ZCCHC10: variants seen among roughly 807,000 people sequenced by gnomAD.
ZCCHC10 encodes zinc finger CCHC-type containing 10, also known as zinc finger CCHC domain-containing protein 10.
Under a neutral mutation model 19.5 loss-of-function variants are expected in ZCCHC10, and 16 were observed. That is an observed-to-expected ratio of 0.82 (90% CI 0.56 to 1.25). ZCCHC10 has a LOEUF of 1.25. Ranked by LOEUF, ZCCHC10 falls within the 50% of genes most tolerant of loss-of-function variation. The probability of loss-of-function intolerance (pLI) is 0.00; values close to 1 mark genes in which losing one functional copy is unlikely to be tolerated. For missense variants in ZCCHC10, 197 were observed against 201.0 expected (o/e 0.98, Z 0.12); for synonymous variants, 67 against 72.5 (o/e 0.92, Z 0.38).
intron 3 of ZCCHC10, 130 bp from the exon 4 acceptor site, chr5:133,000,303 T>C: frequency 9.9e-7 from 1 of 1,006,466 alleles, no homozygotes. Context: ...ACATACAGAG[T>C]ACAGTATTTC....
At chr5:133,008,677 A>C (rs1763296995) in intron 2 of ZCCHC10, among the ~76,000 whole-genome samples, 1 of 151,994 alleles carries the variant, frequency 6.6e-6, no homozygotes, top group Non-Finnish European at 1.5e-5. Context: ...CCAGCCAGGC[A>C]GGACAACACA....
chr5:132,997,836 A>C lies in ZCCHC10; in HGVS notation c.*747T>G, dbSNP rs1261830317. On this transcript the variant is annotated 3_prime_UTR_variant, in exon 5 of 5. Coordinates refer to ENST00000509437, the MANE Select transcript of ZCCHC10 (RefSeq NM_001300816.3). ...ACTTCTATTTAAGTTAGCCTCTTACATGGCTGCTTTCTTTTCTGATACACT... is the reference window on the plus strand; with the variant it reads ...ACTTCTATTTAAGTTAGCCTCTTACCTGGCTGCTTTCTTTTCTGATACACT... 1 of 152,230 alleles carries C rather than the reference A, an allele frequency of 6.6e-6. No individual in the cohort carries two copies. The highest frequency in any genetic ancestry group is 1.9e-4 in the East Asian group (1 of 5,190). 9.4% of individuals were successfully genotyped at this position (152,230 alleles called of 1,614,324 possible).
intron 2 of ZCCHC10, among the ~76,000 whole-genome samples, chr5:133,016,587 C>T (rs1392900540): frequency 3.3e-5 from 5 of 151,966 alleles, no homozygotes; most frequent in African/African-American, 7.2e-5. Context: ...GGATTACAGG[C>T]GCCTGCCACC....
intron 1 of ZCCHC10, among the ~76,000 whole-genome samples, chr5:133,025,619 C>A (rs1359814402): frequency 1.3e-5 from 2 of 150,908 alleles, no homozygotes; most frequent in Non-Finnish European, 2.9e-5. Flanking sequence ...GGCGTAATGG[C>A]TATCTTTCAG....
chr5:133,018,106 C>T (rs1489019931), intron 2 of ZCCHC10, among the ~76,000 whole-genome samples: 2 of 144,726 alleles, frequency 1.4e-5, no homozygotes, highest in Non-Finnish European at 3.0e-5. Context: ...GATCGCACCA[C>T]AGCACTCCAG....
chr5:133,003,413 A>G (rs1414711563), intron 3 of ZCCHC10: 7 of 231,964 alleles, frequency 3.0e-5, no homozygotes, highest in Non-Finnish European at 5.3e-5. Flanking sequence ...GTCTTCCAGA[A>G]GCCATCCGCA....
intron 2 of ZCCHC10, 31 bp from the exon 3 acceptor site, chr5:133,006,951 A>G: frequency 5.8e-6 from 9 of 1,554,014 alleles, no homozygotes; most frequent in Non-Finnish European, 7.8e-6. Context: ...TACAAGCCTT[A>G]AAATTCTGTC....
rs2126542419 is a variant in ZCCHC10, at chr5:133,000,939, G to A, written c.270-766C>T. ...TTACAGGTGTGAGCCACCCTGCCTG[G>A]CCGAGTTATTTACTCTTTAAAGACC... On this transcript the variant is annotated intron_variant, in intron 3 of 4. Transcript: ENST00000509437. Among the ~76,000 whole-genome samples, 3 of 151,874 alleles carry A rather than the reference G, an allele frequency of 2.0e-5. No homozygotes were observed. The East Asian group carries it at 5.8e-4, about 30-fold the overall frequency.
chr5:133,010,113 A>C (rs1279398025), intron 2 of ZCCHC10, among the ~76,000 whole-genome samples: 1 of 145,530 alleles, frequency 6.9e-6, no homozygotes, highest in Non-Finnish European at 1.5e-5. Context: ...TAGTGGCACG[A>C]TCTTGGCTTA....
chr5:133,012,851 C>G (rs975444269), intron 2 of ZCCHC10, among the ~76,000 whole-genome samples: 1 of 151,966 alleles, frequency 6.6e-6, no homozygotes, highest in Non-Finnish European at 1.5e-5. Context: ...GAGATGGAGA[C>G]CATCCTGGCT....
At chr5:133,023,243 A>G (rs113655114) in intron 1 of ZCCHC10, among the ~76,000 whole-genome samples, 2,287 of 152,168 alleles carry the variant, frequency 0.015, 28 homozygotes, top group Middle Eastern at 0.038. Context: ...AATCTCATAT[A>G]AGGTTTAATA....
At chr5:133,025,668 C>T (rs891575858) in intron 1 of ZCCHC10, among the ~76,000 whole-genome samples, 4 of 152,076 alleles carry the variant, frequency 2.6e-5, no homozygotes, top group African/African-American at 9.7e-5. Context: ...AGCAATTATG[C>T]CACTATCCGG....
chr5:133,020,219 C>T (rs1361696464), intron 2 of ZCCHC10, among the ~76,000 whole-genome samples: 1 of 151,750 alleles, frequency 6.6e-6, no homozygotes, highest in African/African-American at 2.4e-5. Flanking sequence ...AATATCCCAG[C>T]ACTTTGGAAG....
intron 1 of ZCCHC10, among the ~76,000 whole-genome samples, chr5:133,023,165 G>A (rs1337446399): frequency 1.3e-5 from 2 of 152,144 alleles, no homozygotes; most frequent in African/African-American, 4.8e-5. Flanking sequence ...CAGGAGGTAA[G>A]TACACATTAC....
chr5:133,019,532 G>GT (rs781594078), intron 2 of ZCCHC10, among the ~76,000 whole-genome samples: 9 of 152,058 alleles, frequency 5.9e-5, no homozygotes, highest in Non-Finnish European at 1.2e-4. Context: ...TGGCAAAGTT[G>GT]TTTTTTTAAT....
At chr5:133,020,489 G>A (rs1252756983) in intron 2 of ZCCHC10, among the ~76,000 whole-genome samples, 1 of 151,638 alleles carries the variant, frequency 6.6e-6, no homozygotes, top group Non-Finnish European at 1.5e-5. Flanking sequence ...TGAATGTAGT[G>A]GGTTGCAGCT....
At chr5:133,009,613 C>CAAAAAAAAAAA (rs59555378) in intron 2 of ZCCHC10, among the ~76,000 whole-genome samples, 10 of 55,528 alleles carry the variant, frequency 1.8e-4, no homozygotes, top group Non-Finnish European at 2.9e-4. Context: ...GACTCCGTCT[C>CAAAAAAAAAAA]AAAAAAAAAA....
chr5:133,019,039 G>A (rs1338698622), intron 2 of ZCCHC10: 2 of 447,602 alleles, frequency 4.5e-6, no homozygotes, highest in African/African-American at 4.1e-5. Flanking sequence ...CAGACATTCT[G>A]GAGTTTGTTT....
Position 133,016,524 on chromosome 5 carries a change from C to A in ZCCHC10, c.107+6317G>T, listed in dbSNP as rs529811090. Among the ~76,000 whole-genome samples the A allele has an allele frequency of 4.6e-5, 7 of 152,128 alleles. No individual in the cohort carries two copies. The South Asian group carries it at 1.4e-3, about 32-fold the overall frequency. On this transcript the variant is annotated intron_variant, in intron 2 of 4. Transcript: ENST00000509437. Reference sequence around the variant, plus strand: ...ATGGCGCAATCTTGGCTCACTGCAACCTCCGCCTCCGGGGTTCAATCGATT... The same window carrying A: ...ATGGCGCAATCTTGGCTCACTGCAAACTCCGCCTCCGGGGTTCAATCGATT...
Sources: gnomAD v4.1 joint callset for allele counts (sites outside exome capture counted in the v4.1 genomes callset) on GRCh38, gnomAD v4.1.1 for gene constraint, MANE v1.5 for transcripts, NCBI Gene and HGNC (gene_info 2026-07-23, HGNC 2026-07-21) for gene names.